The following GTF3A variants were observed in gnomAD, a reference collection of about 807,000 sequenced individuals.
GTF3A encodes transcription factor IIIA.
Under a neutral mutation model 37.6 loss-of-function variants are expected in GTF3A, and 40 were observed. That is an observed-to-expected ratio of 1.06 (90% CI 0.83 to 1.38). The LOEUF (loss-of-function observed/expected upper bound fraction) is 1.38, where lower values mean the gene tolerates loss of function less well. Among genes scored for constraint, GTF3A ranks in the 40% most tolerant of loss-of-function variants. The pLI is 0.00. For missense variants in GTF3A, 500 were observed against 462.6 expected (o/e 1.08, Z -0.74); for synonymous variants, 191 against 166.7 (o/e 1.15, Z -1.12).
intron 4 of GTF3A, among the ~76,000 whole-genome samples, chr13:27,432,438 G>A (rs1001959347): frequency 6.6e-6 from 1 of 152,166 alleles, no homozygotes; most frequent in Non-Finnish European, 1.5e-5. Context: ...ATAACCTCTT[G>A]AACTATCTTT....
At chr13:27,428,466 C>T (rs1047659023) in intron 2 of GTF3A, among the ~76,000 whole-genome samples, 8 of 152,228 alleles carry the variant, frequency 5.3e-5, no homozygotes, top group Admixed American at 1.3e-4. Flanking sequence ...CATGTGAAAT[C>T]CAGGTTTCAA....
chr13:27,435,633 A>C lies in GTF3A; in HGVS notation c.*36A>C. 6.2e-7 allele frequency: 1 copy of C among 1,612,378 alleles called. No homozygotes were observed. The highest frequency in any genetic ancestry group is 8.5e-7 in the Non-Finnish European group (1 of 1,178,528). ...GCTTTGTTTAAAGGACTGCAGACCA[A>C]GGAGCGAGCTTTCTCTCAGAGCATG... On this transcript the variant is annotated 3_prime_UTR_variant, in exon 9 of 9. Coordinates refer to ENST00000381140, the MANE Select transcript of GTF3A (RefSeq NM_002097.3).
chr13:27,433,514 T>TAAA (rs780277596), intron 5 of GTF3A, among the ~76,000 whole-genome samples: 151 of 110,942 alleles, frequency 1.4e-3, no homozygotes, highest in African/African-American at 1.9e-3. Context: ...TGTACTCTTT[T>TAAA]AAAAAAAAAA....
intron 6 of GTF3A, 33 bp downstream of exon 6, chr13:27,434,252 A>C (rs754874045): frequency 1.2e-6 from 1 of 838,564 alleles, no homozygotes; most frequent in East Asian, 2.4e-5. Context: ...GCATGGTGTA[A>C]ATGTTTGTCC....
In GTF3A at chr13:27,427,120, G is replaced by A. The variant is rs1953612265; in HGVS notation, c.230G>A (p.Cys77Tyr). The A allele has an allele frequency of 1.9e-6, 3 of 1,599,698 alleles. No individual in the cohort carries two copies. The highest frequency in any genetic ancestry group is 2.6e-6 in the Non-Finnish European group (3 of 1,167,346). ...CCATTTGTTTGTGACTATGAAGGGT[G>A]TGGCAAGGCCTTCATCAGGGACTAC... Residue 77 changes from cysteine to tyrosine, a missense_variant, in exon 2 of 9, where the codon TGT becomes TAT. By Grantham distance (194) the Cys-to-Tyr change is radical. Transcript: ENST00000381140.
At position 27,435,670 on chromosome 13, in the gene GTF3A, TA is replaced by T; in HGVS notation, c.*77del. The T allele has an allele frequency of 3.7e-6, 6 of 1,613,428 alleles. No homozygotes were observed. Among genetic ancestry groups the T allele is most frequent in the Non-Finnish European group, 5.1e-6 (6 of 1,179,620 alleles). ...TCTCTCAGAGCATGCTTTTCTTTATTAAAATTACTGATGCAGAACATTTGAT... is the reference window on the plus strand; with the variant it reads ...TCTCTCAGAGCATGCTTTTCTTTATTAAATTACTGATGCAGAACATTTGAT... On this transcript the variant is annotated 3_prime_UTR_variant, in exon 9 of 9. Coordinates refer to ENST00000381140, the MANE Select transcript of GTF3A (RefSeq NM_002097.3).
chr13:27,430,569 C>T lies in GTF3A; in HGVS notation c.436C>T (p.His146Tyr). Reference sequence around the variant, plus strand: ...AGACTGTAAGAAGACCTTTAAGAAACATCAGCAGCTGAAAATCCATCAGTG... The same window carrying T: ...AGACTGTAAGAAGACCTTTAAGAAATATCAGCAGCTGAAAATCCATCAGTG... The change falls in exon 4 of 9, where the codon CAT (histidine) becomes TAT (tyrosine). Residue 146 changes from histidine to tyrosine, a missense_variant. Physicochemically the swap from His to Tyr is moderately conservative, Grantham distance 83. Transcript: ENST00000381140. 4.3e-6 allele frequency: 7 copies of T among 1,612,284 alleles called. No homozygotes were observed. Among genetic ancestry groups the T allele is most frequent in the Non-Finnish European group, 5.9e-6 (7 of 1,178,568 alleles).
intron 5 of GTF3A, among the ~76,000 whole-genome samples, chr13:27,433,202 C>T (rs145471549): frequency 8.6e-4 from 102 of 118,172 alleles, no homozygotes; most frequent in African/African-American, 2.8e-3. Context: ...TCAGATGTTA[C>T]GTTTCTCAAA....
intron 2 of GTF3A, among the ~76,000 whole-genome samples, chr13:27,428,166 C>T (rs1953623191): frequency 6.6e-6 from 1 of 152,180 alleles, no homozygotes; most frequent in Non-Finnish European, 1.5e-5. Context: ...AAACTGAGCT[C>T]ACTTTTCTGT....
chr13:27,431,704 C>G (rs1476883429), intron 4 of GTF3A, among the ~76,000 whole-genome samples: 1 of 151,942 alleles, frequency 6.6e-6, no homozygotes, highest in Non-Finnish European at 1.5e-5. Flanking sequence ...AGTGATGGTG[C>G]GCTAAAATCT....
intron 5 of GTF3A, among the ~76,000 whole-genome samples, chr13:27,433,536 A>C (rs551107038): frequency 6.8e-3 from 57 of 8,442 alleles, no homozygotes; most frequent in African/African-American, 0.021. Flanking sequence ...ACAAAAAAAA[A>C]CTTTTTTTTT....
At chr13:27,433,236 T>C (rs1375926555) in intron 5 of GTF3A, among the ~76,000 whole-genome samples, 1 of 151,284 alleles carries the variant, frequency 6.6e-6, no homozygotes, top group African/African-American at 2.4e-5. Flanking sequence ...GACTTGATTA[T>C]ATTAACTATT....
chr13:27,427,736 T>C (rs1346111839), intron 2 of GTF3A, among the ~76,000 whole-genome samples: 1 of 152,034 alleles, frequency 6.6e-6, no homozygotes, highest in Non-Finnish European at 1.5e-5. Flanking sequence ...TATTTGTTCC[T>C]ATTTGTAAAG....
At position 27,434,121 on chromosome 13, in the gene GTF3A, C is replaced by A; in HGVS notation, c.563-18C>A. ...CACTGAGTATTCATGACAGACAATG[C>A]ACCAATTTTTTTAATAGGCTATGTA... On this transcript the variant is annotated intron_variant, in intron 5 of 8. Transcript: ENST00000381140. The A allele has an allele frequency of 1.0e-6, 1 of 963,548 alleles. No individual in the cohort carries two copies. Among genetic ancestry groups the A allele is most frequent in the Non-Finnish European group, 1.7e-6 (1 of 585,172 alleles). 59.7% of individuals were successfully genotyped at this position (963,548 alleles called of 1,614,324 possible).
chr13:27,428,486 A>G (rs1477289062), intron 2 of GTF3A, among the ~76,000 whole-genome samples: 1 of 152,208 alleles, frequency 6.6e-6, no homozygotes, highest in Non-Finnish European at 1.5e-5. Context: ...AGTGTGTCCT[A>G]CAATGACCTG....
rs116244675 is a variant in GTF3A, at chr13:27,435,774, A to T, written c.*177A>T. On this transcript the variant is annotated 3_prime_UTR_variant, in exon 9 of 9. Transcript: ENST00000381140. ...GAGTTTCTTTATATGCCTTCTCCTC[A>T]TTTTTGCTGAAAGCACGAAGAACAC... The T allele has an allele frequency of 4.6e-4, 748 of 1,613,954 alleles. 6 individuals carry two copies. In the African/African-American group the frequency reaches 9.1e-3, roughly 20 times the overall value.
rs761229542 is a variant in GTF3A, at chr13:27,429,906, A to G, written c.339A>G (p.Thr113=). ...ATGGCTGTGATCAAAAATTCAACAC[A>G]AAATCAAACTTGAAGAAACATTTTG... The change falls in exon 3 of 9, where the codon ACA becomes ACG. Residue 113 remains threonine (T), a synonymous_variant. Coordinates refer to ENST00000381140, the MANE Select transcript of GTF3A (RefSeq NM_002097.3). The G allele has an allele frequency of 2.6e-6, 4 of 1,538,168 alleles. No individual in the cohort carries two copies. Among genetic ancestry groups the G allele is most frequent in the Non-Finnish European group, 3.5e-6 (4 of 1,142,766 alleles).
Position 27,424,751 on chromosome 13 carries a change from C to T in GTF3A, c.14C>T (p.Ala5Val), listed in dbSNP as rs1444057999. Residue 5 changes from alanine (A) to valine (V), a missense_variant, in exon 1 of 9, where the codon GCC becomes GTC. Physicochemically the swap from Ala to Val is moderately conservative, Grantham distance 64. Coordinates refer to ENST00000381140, the MANE Select transcript of GTF3A (RefSeq NM_002097.3). ...GGCGCCGGCGCCCTGGATCCGCCGG[C>T]CGTGGTCGCCGAGTCGGTGTCGTCC... The T allele has an allele frequency of 4.7e-6, 7 of 1,476,738 alleles. No homozygotes were observed. In the Admixed American group the frequency reaches 1.4e-4, roughly 30 times the overall value. 91.5% of individuals were successfully genotyped at this position (1,476,738 alleles called of 1,614,324 possible). A position where few individuals can be genotyped will look rare whatever the true frequency, so the allele number is the denominator to read the frequency against.
chr13:27,432,326 A>C (rs1175844147), intron 4 of GTF3A, among the ~76,000 whole-genome samples: 1 of 152,190 alleles, frequency 6.6e-6, no homozygotes, highest in Non-Finnish European at 1.5e-5. Flanking sequence ...AGGCAGATGC[A>C]TCTACTGCTG....
Sources: gnomAD v4.1 joint callset for allele counts (sites outside exome capture counted in the v4.1 genomes callset) on GRCh38, gnomAD v4.1.1 for gene constraint, MANE v1.5 for transcripts, NCBI Gene and HGNC (gene_info 2026-07-23, HGNC 2026-07-21) for gene names.